The following PAFAH1B2 variants were observed in gnomAD, a reference collection of about 807,000 sequenced individuals.
The protein encoded by PAFAH1B2 is platelet-activating factor acetylhydrolase IB subunit alpha2.
A neutral mutation model predicts 28.0 loss-of-function variants in PAFAH1B2; 8 were observed. That is an observed-to-expected ratio of 0.29 (90% CI 0.17 to 0.52). The LOEUF (loss-of-function observed/expected upper bound fraction) is 0.52, where lower values mean the gene tolerates loss of function less well. Ranked by LOEUF, PAFAH1B2 falls within the 20% of genes least tolerant of loss-of-function variation. The probability of loss-of-function intolerance (pLI) is 0.97; values close to 1 mark genes in which losing one functional copy is unlikely to be tolerated. For missense variants in PAFAH1B2, 190 were observed against 282.6 expected, an observed-to-expected ratio of 0.67 and a Z score of 2.35; for synonymous variants, 104 against 103.2, an observed-to-expected ratio of 1.01 and a Z score of -0.05.
chr11:117,169,773 A>G lies in PAFAH1B2; in HGVS notation c.*2074A>G. 7 of 1,056,476 alleles carry G rather than the reference A, an allele frequency of 6.6e-6. No individual in the cohort carries two copies. Among genetic ancestry groups the G allele is most frequent in the Non-Finnish European group, 8.0e-6 (7 of 873,800 alleles). The allele number at this position is 1,056,476 out of a possible 1,614,324, so 65.4% of individuals were successfully genotyped here. A position where few individuals can be genotyped will look rare whatever the true frequency, so the allele number is the denominator to read the frequency against. ...CTTAGCTGAGGTATAGTTGTATAGC[A>G]AGAAGAATTAAGCCAGATTTTTGTG... On this transcript the variant is annotated 3_prime_UTR_variant, in exon 6 of 6. Coordinates refer to ENST00000527958, the MANE Select transcript of PAFAH1B2 (RefSeq NM_002572.4).
chr11:117,149,316 C>G (rs1215474790), intron 1 of PAFAH1B2, among the ~76,000 whole-genome samples: 3 of 151,558 alleles, frequency 2.0e-5, no homozygotes, highest in African/African-American at 7.3e-5. Flanking sequence ...CTCCTGGATT[C>G]AAGTCATCTT....
chr11:117,171,562 C>A (rs2134228681), downstream of PAFAH1B2: 4 of 681,044 alleles, frequency 5.9e-6, no homozygotes, highest in Admixed American at 4.8e-5. Context: ...TACAGTGTTA[C>A]TACAGCATAG....
downstream of PAFAH1B2, chr11:117,171,143 A>C (rs1286466512): frequency 1.2e-6 from 1 of 802,210 alleles, no homozygotes; most frequent in African/African-American, 1.9e-5. Context: ...TTGGATACTT[A>C]GATGATCCTG....
chr11:117,157,908 C>T (rs1180928448), intron 2 of PAFAH1B2, among the ~76,000 whole-genome samples: 2 of 152,084 alleles, frequency 1.3e-5, no homozygotes, highest in African/African-American at 2.4e-5. Context: ...GAGGCTGAGG[C>T]GGGTGGATCA....
downstream of PAFAH1B2, chr11:117,175,004 A>C: frequency 6.9e-7 from 1 of 1,447,854 alleles, no homozygotes; most frequent in Admixed American, 2.5e-5. Flanking sequence ...CCTGTGACTT[A>C]AAATGGAGCT....
chr11:117,160,572 C>T (rs1458756607), intron 3 of PAFAH1B2, among the ~76,000 whole-genome samples: 1 of 152,142 alleles, frequency 6.6e-6, no homozygotes, highest in African/African-American at 2.4e-5. Flanking sequence ...ATTCTCATAC[C>T]TCAGCCCCTG....
downstream of PAFAH1B2, chr11:117,175,536 G>A (rs760034066): frequency 1.8e-4 from 198 of 1,103,362 alleles, no homozygotes; most frequent in Non-Finnish European, 2.2e-4. Flanking sequence ...TTCAGAGTTT[G>A]CTTGGATGGA....
downstream of PAFAH1B2, among the ~76,000 whole-genome samples, chr11:117,172,404 ATTTTTTTTTTT>A (rs375747711): frequency 4.5e-3 from 39 of 8,612 alleles, no homozygotes; most frequent in Admixed American, 8.2e-3. Flanking sequence ...ATATATATAT[ATTTTTTTTTTT>A]TTTTTTTTTT....
intron 4 of PAFAH1B2, among the ~76,000 whole-genome samples, chr11:117,162,183 G>C (rs1005640186): frequency 6.6e-6 from 1 of 152,200 alleles, no homozygotes; most frequent in Non-Finnish European, 1.5e-5. Flanking sequence ...GCCCAAACTA[G>C]AATGCAGTGG....
chr11:117,158,288 A>G lies in PAFAH1B2; in HGVS notation c.82-1646A>G, dbSNP rs1565266904. Among the ~76,000 whole-genome samples, 8 of 152,108 alleles carry G rather than the reference A, an allele frequency of 5.3e-5. No homozygotes were observed. In the South Asian group the frequency reaches 1.7e-3, roughly 32 times the overall value. On this transcript the variant is annotated intron_variant, in intron 2 of 5. Transcript: ENST00000527958. ...AATGCCTGGGCTCAAGCTATCCTTC[A>G]CACCTTGGCCTCCTAAAGTGCTAAG...
At position 117,169,310 on chromosome 11, in the gene PAFAH1B2, G is replaced by T; in HGVS notation, c.*1611G>T. 9.6e-7 allele frequency: 1 copy of T among 1,044,958 alleles called. No individual in the cohort carries two copies. Among genetic ancestry groups the T allele is most frequent in the Non-Finnish European group, 1.2e-6 (1 of 866,480 alleles). The allele number at this position is 1,044,958 out of a possible 1,614,324, so 64.7% of individuals were successfully genotyped here. ...TAAGAACTGCCATTAAAAAAAATGGGATAATAGATGATTTTATCAGTATAC... is the reference window on the plus strand; with the variant it reads ...TAAGAACTGCCATTAAAAAAAATGGTATAATAGATGATTTTATCAGTATAC... On this transcript the variant is annotated 3_prime_UTR_variant, in exon 6 of 6. Transcript: ENST00000527958.
intron 1 of PAFAH1B2, among the ~76,000 whole-genome samples, chr11:117,146,355 A>G (rs1956009223): frequency 6.6e-6 from 1 of 151,902 alleles, no homozygotes; most frequent in African/African-American, 2.4e-5. Context: ...GGCCTCCCAA[A>G]GTGCTGGGAT....
downstream of PAFAH1B2, chr11:117,171,088 T>G (rs528073588): frequency 1.2e-5 from 12 of 1,018,150 alleles, no homozygotes; most frequent in East Asian, 5.2e-4. Flanking sequence ...GTTTGGATTC[T>G]AATGAAAAAA....
At chr11:117,174,071 A>G (rs1400361299), downstream of PAFAH1B2, among the ~76,000 whole-genome samples, 3 of 151,332 alleles carry the variant, frequency 2.0e-5, no homozygotes, top group African/African-American at 7.3e-5. Flanking sequence ...GCTACTCCCT[A>G]CCTCCCAGGT....
At chr11:117,173,683 T>A (rs143253597), downstream of PAFAH1B2, among the ~76,000 whole-genome samples, 51 of 152,328 alleles carry the variant, frequency 3.3e-4, no homozygotes, top group African/African-American at 1.2e-3. Flanking sequence ...CATGAAGCCA[T>A]GTGACAGGTT....
intron 4 of PAFAH1B2, among the ~76,000 whole-genome samples, chr11:117,161,515 T>TG (rs1051908758): frequency 4.0e-5 from 6 of 151,300 alleles, no homozygotes; most frequent in Non-Finnish European, 8.9e-5. Flanking sequence ...AGGAAGAGTT[T>TG]TTTTTTTTTT....
chr11:117,172,400 ATATATTTTTTTTTTTTT>A (rs1565278872), downstream of PAFAH1B2, among the ~76,000 whole-genome samples: 50 of 3,630 alleles, frequency 0.014, 2 homozygotes, highest in Non-Finnish European at 0.023. Flanking sequence ...ATATATATAT[ATATATTTTTTTTTTTTT>A]TTTTTTTTTT....
Position 117,169,452 on chromosome 11 carries a change from C to T in PAFAH1B2, c.*1753C>T, listed in dbSNP as rs1160976799. 1.9e-6 allele frequency: 2 copies of T among 1,050,052 alleles called. No homozygotes were observed. The highest frequency in any genetic ancestry group is 5.7e-5 in the Admixed American group (1 of 17,592). 65.0% of individuals were successfully genotyped at this position (1,050,052 alleles called of 1,614,324 possible). ...TCCGCTTAATGTTTAAATTCAGTAA[C>T]GTACTTGAAAGGCAAATTTCAGTGC... is the stretch of plus-strand genomic sequence containing the variant. On this transcript the variant is annotated 3_prime_UTR_variant, in exon 6 of 6. Coordinates refer to ENST00000527958, the MANE Select transcript of PAFAH1B2 (RefSeq NM_002572.4).
rs1565275137 is a variant in PAFAH1B2 at position 117,168,456 on chromosome 11, T to TTTTTTTTTTTTTTTTG, written c.*758_*773dup. Reference sequence around the variant, plus strand: ...TCCCCCCGCCACCCCGTTTTTTTTTTTTTTTTTTTTTTTTTGGTTCTTGTT... The same window carrying TTTTTTTTTTTTTTTTG: ...TCCCCCCGCCACCCCGTTTTTTTTTTTTTTTTTTTTTTTTTGTTTTTTTTTTTTTTTGGTTCTTGTT... On this transcript the variant is annotated 3_prime_UTR_variant, in exon 6 of 6. Transcript: ENST00000527958. 7.5e-5 allele frequency: 68 copies of TTTTTTTTTTTTTTTTG among 901,682 alleles called. No individual in the cohort carries two copies. The African/African-American group carries it at 1.5e-3, about 20-fold the overall frequency. The allele number at this position is 901,682 out of a possible 1,614,324, so 55.9% of individuals were successfully genotyped here. A position where few individuals can be genotyped will look rare whatever the true frequency, so the allele number is the denominator to read the frequency against.
Sources: allele counts gnomAD v4.1 joint callset (sites outside exome capture counted in the v4.1 genomes callset), GRCh38; gene constraint gnomAD v4.1.1; transcripts MANE v1.5; gene names NCBI Gene and HGNC (gene_info 2026-07-23, HGNC 2026-07-21).